The following MARCHF1 variants were observed in gnomAD, a reference collection of about 807,000 sequenced individuals.
MARCHF1 encodes membrane associated ring-CH-type finger 1.
Under a neutral mutation model 54.2 loss-of-function variants are expected in MARCHF1, and 40 were observed. The observed-to-expected ratio is 0.74, with a 90% CI of 0.57 to 0.96. The LOEUF is 0.96. Ranked by LOEUF, MARCHF1 falls within the 40% of genes least tolerant of loss-of-function variation. MARCHF1 has a pLI of 0.00. For synonymous variants in MARCHF1, 236 were observed against 236.3 expected (o/e 1.00, Z 0.01); for missense variants, 586 against 656.5 (o/e 0.89, Z 1.17).
intron 5 of MARCHF1, among the ~76,000 whole-genome samples, chr4:163,666,584 A>G (rs934189859): frequency 6.6e-6 from 1 of 152,114 alleles, no homozygotes; most frequent in African/African-American, 2.4e-5. Flanking sequence ...ATCCTTCTTG[A>G]GTTGACTGCT....
At chr4:163,935,702 C>CTTTTTT (rs34331599) in intron 3 of MARCHF1, among the ~76,000 whole-genome samples, 9 of 125,702 alleles carry the variant, frequency 7.2e-5, no homozygotes, top group African/African-American at 1.1e-4. Flanking sequence ...TGCTTGCTTT[C>CTTTTTT]TTTTTTTTTT....
chr4:163,610,970 T>G (rs545179058), intron 7 of MARCHF1, among the ~76,000 whole-genome samples: 101 of 152,182 alleles, frequency 6.6e-4, no homozygotes, highest in Non-Finnish European at 1.2e-3. Flanking sequence ...TCAATTCCTG[T>G]CATCCTTTGA....
intron 1 of MARCHF1, among the ~76,000 whole-genome samples, chr4:164,231,272 C>G (rs963279495): frequency 2.0e-5 from 3 of 152,142 alleles, no homozygotes; most frequent in African/African-American, 7.2e-5. Flanking sequence ...CATCTGACCT[C>G]CCACACAAAT....
intron 4 of MARCHF1, among the ~76,000 whole-genome samples, chr4:163,723,158 G>T (rs1010298916): frequency 1.3e-5 from 2 of 152,202 alleles, no homozygotes; most frequent in African/African-American, 4.8e-5. Context: ...TGCACTGGCT[G>T]GTACCAGTTG....
At chr4:163,783,878 A>T (rs1462132017) in intron 4 of MARCHF1, among the ~76,000 whole-genome samples, 1 of 152,194 alleles carries the variant, frequency 6.6e-6, no homozygotes, top group Non-Finnish European at 1.5e-5. Context: ...TTCTCCTAGA[A>T]CTATAGGCTT....
chr4:164,161,190 C>T (rs558059007), intron 1 of MARCHF1, among the ~76,000 whole-genome samples: 34 of 151,998 alleles, frequency 2.2e-4, no homozygotes, highest in Non-Finnish European at 4.1e-4. Context: ...TGGTTCTGTC[C>T]TCGTGATAGG....
intron 1 of MARCHF1, among the ~76,000 whole-genome samples, chr4:164,157,589 G>A (rs995403342): frequency 2.6e-5 from 4 of 152,146 alleles, no homozygotes; most frequent in African/African-American, 7.2e-5. Flanking sequence ...GGCCACGCTC[G>A]CTCTGAAACC....
At chr4:163,548,844 A>G (rs998602908) in intron 8 of MARCHF1, among the ~76,000 whole-genome samples, 2 of 152,254 alleles carry the variant, frequency 1.3e-5, no homozygotes. Context: ...GAGGATAAGG[A>G]TAGAAATCTT....
chr4:163,562,007 ACACT>A lies in MARCHF1; in HGVS notation c.1192-16268_1192-16265del, dbSNP rs2110978872. Reference sequence around the variant, plus strand: ...CTCTGAAATGTAGCTATCAAAAACAACACTCCAGGCCAGGAGTGGTGGCTCACGC... The same window carrying A: ...CTCTGAAATGTAGCTATCAAAAACAACCAGGCCAGGAGTGGTGGCTCACGC... On this transcript the variant is annotated intron_variant, in intron 8 of 9. Transcript: ENST00000514618. Among the ~76,000 whole-genome samples the A allele has an allele frequency of 2.0e-5, 3 of 152,236 alleles. No homozygotes were observed. In the South Asian group the frequency reaches 6.2e-4, roughly 32 times the overall value.
At chr4:163,678,240 C>T (rs1415649217) in intron 5 of MARCHF1, among the ~76,000 whole-genome samples, 3 of 152,178 alleles carry the variant, frequency 2.0e-5, no homozygotes, top group African/African-American at 7.2e-5. Context: ...ACAATGTTAT[C>T]AGGCCTGCCA....
At chr4:163,712,109 G>T (rs1745124581) in intron 4 of MARCHF1, among the ~76,000 whole-genome samples, 2 of 152,116 alleles carry the variant, frequency 1.3e-5, no homozygotes, top group African/African-American at 4.8e-5. Flanking sequence ...TTGTAAAACA[G>T]ACCACACATT....
intron 4 of MARCHF1, among the ~76,000 whole-genome samples, chr4:163,715,375 A>T (rs1347044535): frequency 6.6e-6 from 1 of 152,164 alleles, no homozygotes; most frequent in African/African-American, 2.4e-5. Flanking sequence ...CCTCCCGAGT[A>T]GCTGGGACTA....
chr4:164,199,681 C>CACACACACACAG (rs1462208986), intron 1 of MARCHF1, among the ~76,000 whole-genome samples: 1 of 47,658 alleles, frequency 2.1e-5, no homozygotes, highest in South Asian at 1.0e-3. Flanking sequence ...CACACACACA[C>CACACACACACAG]AGAGAGAGAG....
At chr4:163,847,000 T>C (rs146555825) in intron 4 of MARCHF1, among the ~76,000 whole-genome samples, 352 of 152,252 alleles carry the variant, frequency 2.3e-3, no homozygotes, top group South Asian at 4.8e-3. Context: ...AAGAATGGGA[T>C]TCTAGAAGAA....
chr4:164,234,624 T>G (rs1441796223), intron 1 of MARCHF1, among the ~76,000 whole-genome samples: 1 of 152,142 alleles, frequency 6.6e-6, no homozygotes, highest in Non-Finnish European at 1.5e-5. Flanking sequence ...ATGGATTGAC[T>G]TGGGATCCTT....
chr4:163,691,695 C>A (rs1744462022), intron 5 of MARCHF1, among the ~76,000 whole-genome samples: 1 of 152,052 alleles, frequency 6.6e-6, no homozygotes, highest in African/African-American at 2.4e-5. Flanking sequence ...AAACTGTAAC[C>A]AACCAAAATC....
chr4:163,907,785 A>C (rs1273495523), intron 3 of MARCHF1, among the ~76,000 whole-genome samples: 3 of 152,142 alleles, frequency 2.0e-5, no homozygotes, highest in Admixed American at 2.0e-4. Context: ...TTACTAAGAA[A>C]GCCTGATTCC....
intron 5 of MARCHF1, among the ~76,000 whole-genome samples, chr4:163,664,248 A>T (rs1438078416): frequency 6.6e-6 from 1 of 152,056 alleles, no homozygotes; most frequent in Non-Finnish European, 1.5e-5. Flanking sequence ...ATATATAATG[A>T]TTTTGCTGAG....
chr4:163,540,547 A>G (rs962911304), intron 9 of MARCHF1, among the ~76,000 whole-genome samples: 4 of 152,356 alleles, frequency 2.6e-5, no homozygotes, highest in Non-Finnish European at 4.4e-5. Context: ...ATTCACCATG[A>G]GTAATTATGT....
Sources: allele counts gnomAD v4.1 joint callset (sites outside exome capture counted in the v4.1 genomes callset), GRCh38; gene constraint gnomAD v4.1.1; transcripts MANE v1.5; gene names NCBI Gene and HGNC (gene_info 2026-07-23, HGNC 2026-07-21).